Variants in MAP7 observed in about 807,000 individuals in gnomAD.
MAP7 encodes the protein microtubule associated protein 7.
In MAP7, 52 loss-of-function variants were observed where a neutral mutation model predicts 94.8. That is an observed-to-expected ratio of 0.55 (90% CI 0.44 to 0.69). MAP7 has a LOEUF of 0.69. Ranked by LOEUF, MAP7 falls within the 30% of genes least tolerant of loss-of-function variation. The probability of loss-of-function intolerance (pLI) is 0.00; values close to 1 mark genes in which losing one functional copy is unlikely to be tolerated. For missense variants in MAP7, 940 were observed against 964.6 expected (o/e 0.97, Z 0.34); for synonymous variants, 350 against 357.0 (o/e 0.98, Z 0.22).
At chr6:136,528,567 C>T (rs945376259) in intron 1 of MAP7, among the ~76,000 whole-genome samples, 1 of 152,060 alleles carries the variant, frequency 6.6e-6, no homozygotes, top group Admixed American at 6.6e-5. Context: ...AAAAAAAACC[C>T]CACATACAAA....
At position 136,362,553 on chromosome 6, in the gene MAP7, C is replaced by G. The variant is rs760661282; in HGVS notation, c.1423G>C (p.Asp475His). 3.1e-6 allele frequency: 5 copies of G among 1,613,984 alleles called. No homozygotes were observed. The South Asian group carries it at 4.4e-5, about 14-fold the overall frequency. ...ASVKTSAGTT[D>H]PEEATRLLAE... ...AGAAGCCTTGTGGCCTCCTCTGGGTCGGTGGTGCCTGCAGAAGTCTTAACA... is the reference window on the plus strand; with the variant it reads ...AGAAGCCTTGTGGCCTCCTCTGGGTGGGTGGTGCCTGCAGAAGTCTTAACA... Residue 475 changes from aspartate to histidine, a missense_variant, in exon 11 of 18, where the codon GAC becomes CAC. By Grantham distance (81) the Asp-to-His change is moderately conservative. Coordinates refer to ENST00000354570, the MANE Select transcript of MAP7 (RefSeq NM_003980.6).
At chr6:136,434,222 G>C (rs574609425) in intron 1 of MAP7, among the ~76,000 whole-genome samples, 1 of 150,616 alleles carries the variant, frequency 6.6e-6, no homozygotes, top group East Asian at 2.0e-4. Flanking sequence ...CAGGAGAACC[G>C]CTTGAACCCG....
intron 1 of MAP7, among the ~76,000 whole-genome samples, chr6:136,441,286 A>AT (rs927188495): frequency 2.6e-5 from 4 of 152,086 alleles, no homozygotes; most frequent in African/African-American, 9.7e-5. Context: ...ATATTTTATC[A>AT]TTTTTCCCTA....
At chr6:136,462,665 A>C (rs558706594) in intron 1 of MAP7, among the ~76,000 whole-genome samples, 15 of 152,214 alleles carry the variant, frequency 9.9e-5, no homozygotes, top group Non-Finnish European at 1.6e-4. Context: ...TGGTATTTAA[A>C]ACTTTAATTT....
intron 1 of MAP7, among the ~76,000 whole-genome samples, chr6:136,452,108 C>A (rs1382740123): frequency 6.6e-6 from 1 of 152,078 alleles, no homozygotes; most frequent in East Asian, 1.9e-4. Flanking sequence ...GCAGGAGAAT[C>A]GCTTGAACCT....
intron 3 of MAP7, among the ~76,000 whole-genome samples, chr6:136,390,324 A>G (rs564164508): frequency 6.6e-6 from 1 of 152,288 alleles, no homozygotes; most frequent in Non-Finnish European, 1.5e-5. Flanking sequence ...TCTTGAGGAC[A>G]CTACATGGCA....
At chr6:136,370,473 G>A (rs1774115749) in intron 8 of MAP7, among the ~76,000 whole-genome samples, 2 of 152,146 alleles carry the variant, frequency 1.3e-5, no homozygotes, top group Admixed American at 6.5e-5. Flanking sequence ...TCATAGCAGC[G>A]TTATTCACAA....
chr6:136,483,034 A>G (rs965130067), intron 1 of MAP7, among the ~76,000 whole-genome samples: 1 of 151,386 alleles, frequency 6.6e-6, no homozygotes, highest in Non-Finnish European at 1.5e-5. Context: ...CTTATTAATT[A>G]CTGAGAGATG....
intron 1 of MAP7, among the ~76,000 whole-genome samples, chr6:136,531,196 C>G (rs1380903625): frequency 6.9e-6 from 1 of 144,692 alleles, no homozygotes; most frequent in Non-Finnish European, 1.5e-5. Context: ...TGTGCAAAGA[C>G]TGTCCTCTCT....
chr6:136,462,507 A>C (rs1257853501), intron 1 of MAP7, among the ~76,000 whole-genome samples: 3 of 152,176 alleles, frequency 2.0e-5, no homozygotes, highest in Admixed American at 2.0e-4. Flanking sequence ...CACAAGCAAC[A>C]CATTTCCTAG....
Position 136,361,171 on chromosome 6 carries a change from C to T in MAP7, c.1535G>A (p.Arg512Lys), listed in dbSNP as rs1466889266. 1 of 1,602,660 alleles carries T rather than the reference C, an allele frequency of 6.2e-7. No homozygotes were observed. Among genetic ancestry groups the T allele is most frequent in the African/African-American group, 1.3e-5 (1 of 74,944 alleles). ...AGCCACACGTTGAGCCAATTCCTCTCTCTTTTGTCTGGAAAAAGACAGAAC... is the reference window on the plus strand; with the variant it reads ...AGCCACACGTTGAGCCAATTCCTCTTTCTTTTGTCTGGAAAAAGACAGAAC... ...REQEELERQK[R>K]EELAQRVAEE... is the part of the protein sequence containing the mutation. The change falls in exon 12 of 18, where the codon AGA becomes AAA. Residue 512 changes from arginine to lysine, a missense_variant. Physicochemically the swap from Arg to Lys is conservative, Grantham distance 26 (BLOSUM62 2). Coordinates refer to ENST00000354570, the MANE Select transcript of MAP7 (RefSeq NM_003980.6).
intron 1 of MAP7, among the ~76,000 whole-genome samples, chr6:136,467,460 A>G (rs1315289016): frequency 1.3e-5 from 2 of 152,218 alleles, no homozygotes; most frequent in African/African-American, 4.8e-5. Context: ...CAAAAACTTG[A>G]CTTGCTTTAG....
At chr6:136,520,259 G>A (rs755462267) in intron 1 of MAP7, among the ~76,000 whole-genome samples, 1 of 150,686 alleles carries the variant, frequency 6.6e-6, no homozygotes, top group Non-Finnish European at 1.5e-5. Context: ...ACAACAAAGA[G>A]ATAATCTCTG....
At chr6:136,414,416 A>G (rs1005185715) in intron 2 of MAP7, among the ~76,000 whole-genome samples, 7 of 151,986 alleles carry the variant, frequency 4.6e-5, no homozygotes, top group Non-Finnish European at 7.4e-5. Flanking sequence ...ATTTGGAAAC[A>G]AGAAAATGGA....
At position 136,343,447 on chromosome 6, in the gene MAP7, A is replaced by G. The variant is rs1196532689; in HGVS notation, c.*781T>C. ...AGCCCTGAATCATCAGTAACATTCT[A>G]TCGTGGTAACATCAGAAGGAATGCA... On this transcript the variant is annotated 3_prime_UTR_variant, in exon 18 of 18. Transcript: ENST00000354570. 1.3e-5 allele frequency: 2 copies of G among 152,696 alleles called. No individual in the cohort carries two copies. Among genetic ancestry groups the G allele is most frequent in the African/African-American group, 2.4e-5 (1 of 41,472 alleles). The allele number at this position is 152,696 out of a possible 1,614,324, so 9.5% of individuals were successfully genotyped here.
chr6:136,504,687 A>T (rs561668196), intron 1 of MAP7, among the ~76,000 whole-genome samples: 50 of 151,728 alleles, frequency 3.3e-4, no homozygotes, highest in African/African-American at 1.2e-3. Flanking sequence ...ATTTACCTTT[A>T]AAAAAATTTT....
chr6:136,413,608 T>C (rs1042899574), intron 2 of MAP7, among the ~76,000 whole-genome samples: 8 of 151,838 alleles, frequency 5.3e-5, no homozygotes, highest in African/African-American at 1.9e-4. Flanking sequence ...GCATCCCAAA[T>C]GTCTTTTTTT....
intron 16 of MAP7, among the ~76,000 whole-genome samples, chr6:136,346,827 T>C (rs1000697493): frequency 2.6e-5 from 4 of 152,174 alleles, no homozygotes; most frequent in Admixed American, 6.5e-5. Flanking sequence ...TACTGAGAGA[T>C]AGTTGAGGCT....
At chr6:136,489,293 C>T (rs952208155) in intron 1 of MAP7, among the ~76,000 whole-genome samples, 1 of 152,098 alleles carries the variant, frequency 6.6e-6, no homozygotes. Flanking sequence ...AAAAACAACT[C>T]ATGAAAATCC....
Sources: gnomAD v4.1 joint callset for allele counts (sites outside exome capture counted in the v4.1 genomes callset) on GRCh38, gnomAD v4.1.1 for gene constraint, MANE v1.5 for transcripts, NCBI Gene and HGNC (gene_info 2026-07-23, HGNC 2026-07-21) for gene names.